Variants in CTNNA2 observed in about 807,000 individuals in gnomAD.
The protein encoded by CTNNA2 is catenin alpha 2.
In CTNNA2, 42 loss-of-function variants were observed where a neutral mutation model predicts 101.0. The observed-to-expected ratio is 0.42, with a 90% CI of 0.32 to 0.54. The LOEUF is 0.54. CTNNA2 is among the 20% of genes least tolerant of loss of function. CTNNA2 has a pLI of 0.14. For synonymous variants in CTNNA2, 450 were observed against 456.4 expected (o/e 0.99, Z 0.18); for missense variants, 871 against 1,223.1 (o/e 0.71, Z 4.29).
chr2:80,031,514 T>G (rs1475719677), intron 7 of CTNNA2, among the ~76,000 whole-genome samples: 1 of 152,206 alleles, frequency 6.6e-6, no homozygotes. Flanking sequence ...GAGACTTATT[T>G]ACTATCGTGA....
At chr2:79,926,005 C>T (rs551408874) in intron 7 of CTNNA2, among the ~76,000 whole-genome samples, 12 of 151,992 alleles carry the variant, frequency 7.9e-5, no homozygotes, top group African/African-American at 2.4e-4. Flanking sequence ...TAGAGAAGCC[C>T]AGCTCTTTGC....
intron 11 of CTNNA2, among the ~76,000 whole-genome samples, chr2:80,552,989 G>A (rs539743252): frequency 6.6e-6 from 1 of 151,934 alleles, no homozygotes; most frequent in East Asian, 1.9e-4. Flanking sequence ...GGCCAAGGCA[G>A]GCAGATCATT....
chr2:79,810,809 A>G (rs1467267031), intron 3 of CTNNA2, among the ~76,000 whole-genome samples: 1 of 151,968 alleles, frequency 6.6e-6, no homozygotes, highest in Non-Finnish European at 1.5e-5. Context: ...TAGTTTGCTG[A>G]GAATGATGGT....
At chr2:80,632,481 A>G (rs902860161) in intron 18 of CTNNA2, among the ~76,000 whole-genome samples, 3 of 152,144 alleles carry the variant, frequency 2.0e-5, no homozygotes, top group South Asian at 2.1e-4. Context: ...CTCCAAAGCC[A>G]AATTTGAGGG....
Position 80,412,288 on chromosome 2 carries a change from C to G in CTNNA2, c.1138-7161C>G, listed in dbSNP as rs1388829262. On this transcript the variant is annotated intron_variant, in intron 8 of 18. Transcript: ENST00000402739. Reference sequence around the variant, plus strand: ...GAAGGAACTAAGTACCTGTTACTGTCCTTCAGGAAAAGTCCCGATCAACCC... The same window carrying G: ...GAAGGAACTAAGTACCTGTTACTGTGCTTCAGGAAAAGTCCCGATCAACCC... Among the ~76,000 whole-genome samples, 8 of 152,240 alleles carry G rather than the reference C, an allele frequency of 5.3e-5. No homozygotes were observed. In the South Asian group the frequency reaches 1.7e-3, roughly 32 times the overall value.
chr2:79,307,843 A>G (rs1345956613), intron 2 of CTNNA2, among the ~76,000 whole-genome samples: 16 of 152,166 alleles, frequency 1.1e-4, no homozygotes, highest in Non-Finnish European at 7.4e-5. Context: ...TGAACAGTGT[A>G]TGAGTTTGAT....
At chr2:80,584,414 G>A (rs1227338346) in intron 14 of CTNNA2, among the ~76,000 whole-genome samples, 2 of 147,362 alleles carry the variant, frequency 1.4e-5, no homozygotes, top group Non-Finnish European at 3.0e-5. Flanking sequence ...ACAACATTCT[G>A]AGGGAGAGGA....
intron 7 of CTNNA2, among the ~76,000 whole-genome samples, chr2:80,267,402 C>T (rs892181976): frequency 6.6e-6 from 1 of 152,178 alleles, no homozygotes; most frequent in Non-Finnish European, 1.5e-5. Context: ...CTGGCATTTG[C>T]TGACAGCAAA....
intron 1 of CTNNA2, among the ~76,000 whole-genome samples, chr2:79,576,586 A>G (rs1050023587): frequency 1.3e-5 from 2 of 152,084 alleles, no homozygotes; most frequent in African/African-American, 4.8e-5. Flanking sequence ...TTGTAAGACT[A>G]GGTATTAGTA....
chr2:79,850,056 G>C (rs1340489743), intron 3 of CTNNA2, among the ~76,000 whole-genome samples: 1 of 152,144 alleles, frequency 6.6e-6, no homozygotes. Context: ...CATGCACAGG[G>C]AGTCACAAAT....
intron 7 of CTNNA2, among the ~76,000 whole-genome samples, chr2:80,369,869 C>T (rs1160092837): frequency 6.6e-6 from 1 of 152,104 alleles, no homozygotes; most frequent in African/African-American, 2.4e-5. Flanking sequence ...GGCACGGAAA[C>T]AGATTCTCTT....
intron 3 of CTNNA2, among the ~76,000 whole-genome samples, chr2:79,796,343 C>T (rs1214659290): frequency 7.0e-6 from 1 of 142,468 alleles, no homozygotes; most frequent in Admixed American, 7.3e-5. Flanking sequence ...AGCCGAGAGC[C>T]GCGATTGCGC....
intron 15 of CTNNA2, among the ~76,000 whole-genome samples, chr2:80,601,253 T>C (rs912400916): frequency 6.6e-6 from 1 of 152,104 alleles, no homozygotes; most frequent in South Asian, 2.1e-4. Context: ...TAAATAGTTT[T>C]GTTTTAGTTG....
chr2:79,725,687 T>G (rs1686792931), intron 2 of CTNNA2, among the ~76,000 whole-genome samples: 1 of 152,246 alleles, frequency 6.6e-6, no homozygotes, highest in South Asian at 2.1e-4. Context: ...TCCATCCTTC[T>G]TCACATTTTT....
At chr2:80,182,775 G>A (rs1275800623) in intron 7 of CTNNA2, among the ~76,000 whole-genome samples, 1 of 152,194 alleles carries the variant, frequency 6.6e-6, no homozygotes, top group African/African-American at 2.4e-5. Flanking sequence ...TGAGGACAGA[G>A]GTTTCCAGGC....
At chr2:80,320,275 C>T (rs573322185) in intron 7 of CTNNA2, among the ~76,000 whole-genome samples, 12 of 152,284 alleles carry the variant, frequency 7.9e-5, no homozygotes, top group Admixed American at 5.9e-4. Context: ...TTGTAAGGAC[C>T]ACTTCTAAAA....
chr2:79,532,406 A>G (rs1672800883), intron 1 of CTNNA2, among the ~76,000 whole-genome samples: 1 of 152,102 alleles, frequency 6.6e-6, no homozygotes, highest in Non-Finnish European at 1.5e-5. Flanking sequence ...CCAAATTTAT[A>G]TTATAATTGT....
chr2:79,205,268 C>T (rs934056381), intron 2 of CTNNA2, among the ~76,000 whole-genome samples: 1 of 152,152 alleles, frequency 6.6e-6, no homozygotes, highest in African/African-American at 2.4e-5. Flanking sequence ...GTTGCAGCCT[C>T]CAGATATTTG....
intron 7 of CTNNA2, among the ~76,000 whole-genome samples, chr2:80,265,630 T>A (rs1217160146): frequency 6.6e-6 from 1 of 152,194 alleles, no homozygotes; most frequent in Non-Finnish European, 1.5e-5. Flanking sequence ...TGCTTCTGCA[T>A]CCCTTATTGA....
Sources: allele counts gnomAD v4.1 joint callset (sites outside exome capture counted in the v4.1 genomes callset), GRCh38; gene constraint gnomAD v4.1.1; transcripts MANE v1.5; gene names NCBI Gene and HGNC (gene_info 2026-07-23, HGNC 2026-07-21).